The following PHKB variants were observed in gnomAD, a reference collection of about 807,000 sequenced individuals.
PHKB encodes phosphorylase kinase regulatory subunit beta, also known as phosphorylase b kinase regulatory subunit beta.
A neutral mutation model predicts 152.1 loss-of-function variants in PHKB; 122 were observed. The ratio of observed to expected loss-of-function variants is 0.80; its 90% confidence interval spans 0.69 to 0.93. The LOEUF is 0.93. PHKB is among the 40% of genes least tolerant of loss of function. PHKB has a pLI of 0.00. For synonymous variants in PHKB, 436 were observed against 464.9 expected, an observed-to-expected ratio of 0.94 and a Z score of 0.80; for missense variants, 1,304 against 1,328.4, an observed-to-expected ratio of 0.98 and a Z score of 0.29.
chr16:47,633,612 G>A lies in PHKB; in HGVS notation c.1459-7423G>A, dbSNP rs116663951. Among the ~76,000 whole-genome samples the A allele has an allele frequency of 8.6e-3, 1,305 of 152,228 alleles. 19 individuals carry two copies. Among genetic ancestry groups the A allele is most frequent in the African/African-American group, 0.029 (1,218 of 41,526 alleles). ...TGGGAGGAGACTAGGTTAAAAGAGC[G>A]AGTCAGGATCTGGATAGATAAAGGA... is the stretch of plus-strand genomic sequence containing the variant. On this transcript the variant is annotated intron_variant, in intron 14 of 30. Transcript: ENST00000323584.
At chr16:47,499,101 A>G (rs1970280565) in intron 2 of PHKB, among the ~76,000 whole-genome samples, 1 of 152,264 alleles carries the variant, frequency 6.6e-6, no homozygotes, top group South Asian at 2.1e-4. Context: ...AATGTTCATA[A>G]AAAATTATTT....
At chr16:47,627,755 C>T (rs1471167732) in intron 14 of PHKB, among the ~76,000 whole-genome samples, 1 of 152,176 alleles carries the variant, frequency 6.6e-6, no homozygotes, top group African/African-American at 2.4e-5. Flanking sequence ...CTTTCCTCTG[C>T]TTTCCTATTA....
At chr16:47,525,786 A>G (rs1338576636) in intron 6 of PHKB, among the ~76,000 whole-genome samples, 13 of 152,202 alleles carry the variant, frequency 8.5e-5, no homozygotes, top group Admixed American at 8.5e-4. Flanking sequence ...CTGTGAATGA[A>G]AGCCCCCATG....
chr16:47,499,687 A>G lies in PHKB; in HGVS notation c.167-69A>G, dbSNP rs1020522570. The G allele has an allele frequency of 1.6e-5, 26 of 1,583,066 alleles. No individual in the cohort carries two copies. The African/African-American group carries it at 3.2e-4, about 20-fold the overall frequency. ...AAGTGGGATGAGGAAACCAAAGAAG[A>G]TTAAAACATTTAGCCCAAGGAAAGT... On this transcript the variant is annotated intron_variant, in intron 2 of 30. Transcript: ENST00000323584.
chr16:47,598,676 C>G, intron 13 of PHKB: 1 of 1,542,326 alleles, frequency 6.5e-7, no homozygotes, highest in Non-Finnish European at 9.0e-7. Flanking sequence ...TTCCACTGAT[C>G]GGCAGGAGGC....
intron 1 of PHKB, among the ~76,000 whole-genome samples, chr16:47,480,147 G>T (rs1969939052): frequency 1.3e-5 from 2 of 152,138 alleles, no homozygotes; most frequent in Non-Finnish European, 2.9e-5. Context: ...TCAGTAGGGA[G>T]CTCTGCTTCA....
chr16:47,527,537 C>T (rs1367328513), intron 6 of PHKB, among the ~76,000 whole-genome samples: 1 of 152,118 alleles, frequency 6.6e-6, no homozygotes, highest in Non-Finnish European at 1.5e-5. Context: ...AAAAAGGAAT[C>T]TTCTATAAGA....
At chr16:47,601,388 T>C (rs1972223168) in intron 13 of PHKB, among the ~76,000 whole-genome samples, 1 of 152,150 alleles carries the variant, frequency 6.6e-6, no homozygotes, top group African/African-American at 2.4e-5. Context: ...TAAAAAGAGA[T>C]ACTAACATAT....
chr16:47,475,225 CA>C (rs1239997324), intron 1 of PHKB, among the ~76,000 whole-genome samples: 2 of 152,090 alleles, frequency 1.3e-5, no homozygotes, highest in East Asian at 3.8e-4. Context: ...AAATTAAGGA[CA>C]AGAGACTAAA....
intron 14 of PHKB, among the ~76,000 whole-genome samples, chr16:47,637,325 G>A (rs1482115360): frequency 6.6e-6 from 1 of 152,204 alleles, no homozygotes; most frequent in Non-Finnish European, 1.5e-5. Flanking sequence ...AGGACTGAAA[G>A]AGCTGTAACA....
intron 7 of PHKB, among the ~76,000 whole-genome samples, chr16:47,559,650 A>G (rs1027064836): frequency 2.0e-5 from 3 of 152,130 alleles, no homozygotes; most frequent in African/African-American, 7.2e-5. Flanking sequence ...TCCTAACAGC[A>G]TGGTGGCTGG....
At chr16:47,664,634 A>G (rs564792126) in intron 24 of PHKB, among the ~76,000 whole-genome samples, 2 of 152,340 alleles carry the variant, frequency 1.3e-5, no homozygotes, top group East Asian at 1.9e-4. Flanking sequence ...GTAAATTTTC[A>G]GTACAGTAAG....
chr16:47,508,398 T>G (rs1294142449), intron 4 of PHKB, among the ~76,000 whole-genome samples: 1 of 152,176 alleles, frequency 6.6e-6, no homozygotes, highest in Non-Finnish European at 1.5e-5. Flanking sequence ...AGGGCAGACA[T>G]TTGCTTTATA....
In PHKB at chr16:47,557,444, G is replaced by A. The variant is rs568063235; in HGVS notation, c.710+9896G>A. ...AAGAAACTACCACCAGAGTGAACAGGCAGCCTACAAAATGGGAGAAAATTT... is the reference window on the plus strand; with the variant it reads ...AAGAAACTACCACCAGAGTGAACAGACAGCCTACAAAATGGGAGAAAATTT... On this transcript the variant is annotated intron_variant, in intron 7 of 30. Coordinates refer to ENST00000323584, the MANE Select transcript of PHKB (RefSeq NM_000293.3). Among the ~76,000 whole-genome samples the A allele has an allele frequency of 5.3e-5, 8 of 152,202 alleles. No individual in the cohort carries two copies. The East Asian group carries it at 1.5e-3, about 29-fold the overall frequency.
chr16:47,517,058 C>CTCCTGTTTT (rs1333074526), intron 6 of PHKB, among the ~76,000 whole-genome samples: 1 of 151,998 alleles, frequency 6.6e-6, no homozygotes, highest in Non-Finnish European at 1.5e-5. Flanking sequence ...ATATATAAAA[C>CTCCTGTTTT]AAATAAAAGA....
At chr16:47,604,901 A>G (rs117862303) in intron 13 of PHKB, among the ~76,000 whole-genome samples, 1 of 152,162 alleles carries the variant, frequency 6.6e-6, no homozygotes, top group Non-Finnish European at 1.5e-5. Context: ...GAAAGCCATT[A>G]TCTCTTACCC....
At chr16:47,643,814 T>C (rs1973067291) in intron 16 of PHKB, among the ~76,000 whole-genome samples, 1 of 152,198 alleles carries the variant, frequency 6.6e-6, no homozygotes, top group African/African-American at 2.4e-5. Context: ...AGAGCAGGGC[T>C]TTTACACAGC....
chr16:47,530,609 T>C (rs557125088), intron 6 of PHKB, among the ~76,000 whole-genome samples: 2 of 152,304 alleles, frequency 1.3e-5, no homozygotes, highest in Admixed American at 1.3e-4. Flanking sequence ...GATAAACTAC[T>C]AAAAGTCATT....
chr16:47,491,755 C>T (rs1970153959), intron 1 of PHKB, among the ~76,000 whole-genome samples: 2 of 152,146 alleles, frequency 1.3e-5, no homozygotes, highest in African/African-American at 4.8e-5. Context: ...CAAAACAGAA[C>T]AGAACCCTAA....
Sources: allele counts gnomAD v4.1 joint callset (sites outside exome capture counted in the v4.1 genomes callset), GRCh38; gene constraint gnomAD v4.1.1; transcripts MANE v1.5; gene names NCBI Gene and HGNC (gene_info 2026-07-23, HGNC 2026-07-21).